The following L3MBTL4 variants were observed in gnomAD, a reference collection of about 807,000 sequenced individuals.
L3MBTL4 encodes the protein L3MBTL histone methyl-lysine binding protein 4.
A neutral mutation model predicts 84.5 loss-of-function variants in L3MBTL4; 70 were observed. The observed-to-expected ratio is 0.83, with a 90% confidence interval of 0.68 to 1.01. L3MBTL4 has a LOEUF of 1.01. Ranked by LOEUF, L3MBTL4 falls within the 50% of genes least tolerant of loss-of-function variation. The pLI, the probability that L3MBTL4 is intolerant of heterozygous loss-of-function variation, is 0.00. For synonymous variants in L3MBTL4, 274 were observed against 259.8 expected (o/e 1.05, Z -0.52); for missense variants, 715 against 754.8 (o/e 0.95, Z 0.62).
intron 11 of L3MBTL4, among the ~76,000 whole-genome samples, chr18:6,213,576 C>A (rs747020677): frequency 2.0e-5 from 3 of 152,138 alleles, no homozygotes; most frequent in Non-Finnish European, 1.5e-5. Flanking sequence ...CCATGCCCAG[C>A]TAATTTTGTG....
chr18:6,402,077 A>T (rs1354118318), intron 1 of L3MBTL4, among the ~76,000 whole-genome samples: 1 of 152,238 alleles, frequency 6.6e-6, no homozygotes, highest in East Asian at 1.9e-4. Flanking sequence ...TCTCATAATG[A>T]TCAATATCTG....
chr18:6,300,936 C>T (rs10502345), intron 4 of L3MBTL4, among the ~76,000 whole-genome samples: 28,793 of 152,022 alleles, frequency 0.19, 2,859 homozygotes, highest in African/African-American at 0.23. Flanking sequence ...TTTGATTTTT[C>T]AGCAAAGAAC....
At chr18:6,180,187 CA>C (rs1424191199) in intron 12 of L3MBTL4, among the ~76,000 whole-genome samples, 1 of 152,062 alleles carries the variant, frequency 6.6e-6, no homozygotes, top group African/African-American at 2.4e-5. Flanking sequence ...ACATTCAGTC[CA>C]TCTGCTTGCA....
chr18:6,069,628 G>A (rs959738299), intron 16 of L3MBTL4, among the ~76,000 whole-genome samples: 1 of 152,124 alleles, frequency 6.6e-6, no homozygotes, highest in Non-Finnish European at 1.5e-5. Flanking sequence ...CAGGCCACTG[G>A]GCTAATGTTC....
At chr18:6,007,705 T>C (rs1041637756) in intron 16 of L3MBTL4, among the ~76,000 whole-genome samples, 1 of 152,162 alleles carries the variant, frequency 6.6e-6, no homozygotes, top group Admixed American at 6.5e-5. Context: ...TACCCAAACG[T>C]CCACAGTGGA....
At chr18:6,237,445 C>CTTTT (rs1173599586) in intron 10 of L3MBTL4, among the ~76,000 whole-genome samples, 18 of 88,886 alleles carry the variant, frequency 2.0e-4, no homozygotes, top group African/African-American at 3.8e-4. Context: ...CCTAGTACAT[C>CTTTT]TTTTTTTTTT....
chr18:6,345,440 T>C (rs1210946004), intron 1 of L3MBTL4, among the ~76,000 whole-genome samples: 7 of 151,482 alleles, frequency 4.6e-5, no homozygotes, highest in Non-Finnish European at 1.0e-4. Flanking sequence ...CCATAAAGAT[T>C]CCACCAAAAA....
At chr18:6,101,905 C>T (rs550674356) in intron 14 of L3MBTL4, among the ~76,000 whole-genome samples, 2 of 152,112 alleles carry the variant, frequency 1.3e-5, no homozygotes, top group African/African-American at 4.8e-5. Context: ...AGTCGAAATT[C>T]TTTTGCATGG....
chr18:6,392,339 G>C (rs1410063178), intron 1 of L3MBTL4, among the ~76,000 whole-genome samples: 1 of 152,110 alleles, frequency 6.6e-6, no homozygotes, highest in Admixed American at 6.5e-5. Context: ...ACTTGAGATC[G>C]GGAGTTCAAG....
intron 16 of L3MBTL4, among the ~76,000 whole-genome samples, chr18:6,078,382 G>A (rs1177841420): frequency 1.4e-4 from 18 of 126,762 alleles, no homozygotes; most frequent in East Asian, 2.6e-4. Context: ...AGCCAAGGTC[G>A]CGCCACTGCA....
At chr18:6,412,268 T>G (rs2055998400) in intron 1 of L3MBTL4, among the ~76,000 whole-genome samples, 2 of 152,170 alleles carry the variant, frequency 1.3e-5, no homozygotes, top group Non-Finnish European at 2.9e-5. Flanking sequence ...GTTGTATAAA[T>G]GGAATTTATC....
At chr18:6,042,031 C>A (rs1223157567) in intron 16 of L3MBTL4, among the ~76,000 whole-genome samples, 1 of 152,092 alleles carries the variant, frequency 6.6e-6, no homozygotes, top group Non-Finnish European at 1.5e-5. Context: ...ATCTGTGAAC[C>A]ATTTCGAACT....
intron 13 of L3MBTL4, among the ~76,000 whole-genome samples, chr18:6,160,230 T>C (rs1477781346): frequency 6.6e-6 from 1 of 152,186 alleles, no homozygotes; most frequent in East Asian, 1.9e-4. Context: ...TCTCCTGGAT[T>C]AAAAGAGGAG....
In L3MBTL4 at chr18:6,008,273, A is replaced by C. The variant is rs942993382; in HGVS notation, c.1445-38711T>G. Among the ~76,000 whole-genome samples, 53 of 152,134 alleles carry C rather than the reference A, an allele frequency of 3.5e-4. 1 individual carries two copies. The highest frequency in any genetic ancestry group is 4.1e-4 in the Non-Finnish European group (28 of 68,028). ...CAGACCCCACTCTTCCTCTGCAGGA[A>C]GGCTGTGACCTCGGCCTTGGCTTGG... is the stretch of plus-strand genomic sequence containing the variant. On this transcript the variant is annotated intron_variant, in intron 16 of 18. Coordinates refer to ENST00000317931, the MANE Select transcript of L3MBTL4 (RefSeq NM_001330559.2).
chr18:6,370,226 G>A (rs1258935778), intron 1 of L3MBTL4, among the ~76,000 whole-genome samples: 2 of 151,954 alleles, frequency 1.3e-5, no homozygotes, highest in Non-Finnish European at 2.9e-5. Flanking sequence ...TTATCCGGTC[G>A]GTCTTCCTCT....
chr18:5,961,764 G>T (rs1449952117), intron 17 of L3MBTL4, among the ~76,000 whole-genome samples: 2 of 152,008 alleles, frequency 1.3e-5, no homozygotes, highest in Non-Finnish European at 2.9e-5. Flanking sequence ...CGAGCTGTTT[G>T]TTGGGCTAAT....
chr18:6,057,438 T>G (rs1161414554), intron 16 of L3MBTL4, among the ~76,000 whole-genome samples: 3 of 152,220 alleles, frequency 2.0e-5, no homozygotes, highest in Admixed American at 2.0e-4. Context: ...TATCTCTTTC[T>G]AAAGGCAAAT....
At chr18:6,207,424 G>A (rs375574040) in intron 12 of L3MBTL4, among the ~76,000 whole-genome samples, 1 of 152,138 alleles carries the variant, frequency 6.6e-6, no homozygotes, top group Non-Finnish European at 1.5e-5. Context: ...ACTTTATTGG[G>A]TTGCTGTGAA....
At chr18:6,270,503 A>G (rs957861469) in intron 4 of L3MBTL4, among the ~76,000 whole-genome samples, 1 of 152,206 alleles carries the variant, frequency 6.6e-6, no homozygotes, top group African/African-American at 2.4e-5. Flanking sequence ...ACAGGCAGAC[A>G]CAAGTGCTAA....
Sources: gnomAD v4.1 joint callset for allele counts (sites outside exome capture counted in the v4.1 genomes callset) on GRCh38, gnomAD v4.1.1 for gene constraint, MANE v1.5 for transcripts, NCBI Gene and HGNC (gene_info 2026-07-23, HGNC 2026-07-21) for gene names.